Variants in MTUS1 observed in about 807,000 individuals in gnomAD.
MTUS1 encodes the protein microtubule associated scaffold protein 1, also known as microtubule-associated tumor suppressor 1.
MTUS1 carries 109 observed loss-of-function variants against 120.8 expected under a neutral mutation model. The observed-to-expected ratio is 0.90, with a 90% CI of 0.77 to 1.06. The LOEUF is 1.06. Among genes scored for constraint, MTUS1 ranks in the 50% least tolerant of loss-of-function variants. MTUS1 has a pLI of 0.00. For synonymous variants in MTUS1, 737 were observed against 550.5 expected (o/e 1.34, Z -4.74); for missense variants, 2,210 against 1,486.3 (o/e 1.49, Z -8.01).
At chr8:17,692,425 C>A (rs1170920392) in intron 6 of MTUS1, among the ~76,000 whole-genome samples, 1 of 152,064 alleles carries the variant, frequency 6.6e-6, no homozygotes, top group African/African-American at 2.4e-5. Context: ...ATTCCTGACA[C>A]GGCAGAGCCA....
rs2130181457 is a variant in MTUS1 at position 17,653,339 on chromosome 8, TA to T, written c.3289-59del. 11 of 1,497,288 alleles carry T rather than the reference TA, an allele frequency of 7.3e-6. No homozygotes were observed. In the South Asian group the frequency reaches 1.2e-4, roughly 17 times the overall value. 92.8% of individuals were successfully genotyped at this position (1,497,288 alleles called of 1,614,324 possible). On this transcript the variant is annotated intron_variant, in intron 11 of 14. Coordinates refer to ENST00000693296, the MANE Select transcript of MTUS1 (RefSeq NM_001363059.2). ...ACAAGAAAACCCCAGAAACTCAGCATACGTACACAGAAACATTAAAACCAAA... is the reference window on the plus strand; with the variant it reads ...ACAAGAAAACCCCAGAAACTCAGCATCGTACACAGAAACATTAAAACCAAA...
In MTUS1 at chr8:17,644,337, T is replaced by C. The variant is rs1805397991; in HGVS notation, c.*1589A>G. The stretch of plus-strand genomic sequence containing the variant: ...AGTGTACATGTAAATGACCCAAATA[T>C]TCACCTCTAGCATCCTGAATCTCTT... On this transcript the variant is annotated 3_prime_UTR_variant, in exon 15 of 15. Transcript: ENST00000693296. 6.6e-6 allele frequency: 1 copy of C among 152,652 alleles called. No individual in the cohort carries two copies. Among genetic ancestry groups the C allele is most frequent in the Non-Finnish European group, 1.5e-5 (1 of 68,044 alleles). 9.5% of individuals were successfully genotyped at this position (152,652 alleles called of 1,614,324 possible).
At chr8:17,749,925 A>C (rs2048059198) in intron 2 of MTUS1, among the ~76,000 whole-genome samples, 2 of 151,682 alleles carry the variant, frequency 1.3e-5, no homozygotes, top group South Asian at 4.2e-4. Flanking sequence ...AAATCTCTTC[A>C]AATATATTAC....
At chr8:17,692,782 C>A (rs1036290698) in intron 6 of MTUS1, among the ~76,000 whole-genome samples, 1 of 152,126 alleles carries the variant, frequency 6.6e-6, no homozygotes, top group Admixed American at 6.5e-5. Context: ...GTACAAGAAT[C>A]TGTACAATAA....
At chr8:17,726,003 C>T (rs944706775) in intron 3 of MTUS1, among the ~76,000 whole-genome samples, 3 of 152,190 alleles carry the variant, frequency 2.0e-5, no homozygotes, top group African/African-American at 7.2e-5. Flanking sequence ...GGCCATGCCT[C>T]TACCCCTTCA....
chr8:17,756,671 A>ACCACCC (rs1554526123), intron 1 of MTUS1, among the ~76,000 whole-genome samples: 13 of 117,484 alleles, frequency 1.1e-4, no homozygotes, highest in African/African-American at 9.6e-5. Context: ...TCAAGCCCAA[A>ACCACCC]CCCCCACCCC....
chr8:17,778,087 G>A (rs181646016), intron 1 of MTUS1, among the ~76,000 whole-genome samples: 1 of 152,246 alleles, frequency 6.6e-6, no homozygotes, highest in East Asian at 1.9e-4. Context: ...ATTAAACTAG[G>A]AAGAAAAATC....
chr8:17,727,226 G>A (rs1331773447), intron 3 of MTUS1, among the ~76,000 whole-genome samples: 1 of 152,178 alleles, frequency 6.6e-6, no homozygotes, highest in Non-Finnish European at 1.5e-5. Context: ...TTCTTTGATA[G>A]AATAATCCTA....
intron 3 of MTUS1, among the ~76,000 whole-genome samples, chr8:17,728,364 C>G (rs2904728): frequency 3.3e-5 from 5 of 152,062 alleles, no homozygotes; most frequent in Admixed American, 3.3e-4. Context: ...CGTGGCCTCC[C>G]AAAGTGCTGG....
At chr8:17,723,920 A>G in intron 3 of MTUS1, 87 bp from the exon 4 acceptor site, 3 of 1,083,312 alleles carry the variant, frequency 2.8e-6, no homozygotes, top group East Asian at 2.4e-5. Context: ...AAACTTCTGC[A>G]CTAACAACAA....
Position 17,746,146 on chromosome 8 carries a change from T to C in MTUS1, c.2092-2347A>G, listed in dbSNP as rs539623518. Among the ~76,000 whole-genome samples the C allele has an allele frequency of 1.5e-3, 224 of 152,294 alleles. 1 individual carries two copies. Among genetic ancestry groups the C allele is most frequent in the African/African-American group, 5.1e-3 (214 of 41,564 alleles). On this transcript the variant is annotated intron_variant, in intron 2 of 14. Transcript: ENST00000693296. Reference sequence around the variant, plus strand: ...ATATAGCAATGTGAGAACAGACTGATACAGCTAGTCTTCATGAAGACCTAG... The same window carrying C: ...ATATAGCAATGTGAGAACAGACTGACACAGCTAGTCTTCATGAAGACCTAG...
chr8:17,738,199 C>T (rs1187038215), intron 3 of MTUS1, among the ~76,000 whole-genome samples: 4 of 152,188 alleles, frequency 2.6e-5, no homozygotes, highest in African/African-American at 9.7e-5. Context: ...TTCAGGAGGC[C>T]TTTCTTCACC....
chr8:17,724,752 G>T (rs1450184448), intron 3 of MTUS1, among the ~76,000 whole-genome samples: 1 of 152,156 alleles, frequency 6.6e-6, no homozygotes, highest in East Asian at 1.9e-4. Flanking sequence ...CTCTTGGAGA[G>T]TCTATTTTCT....
chr8:17,757,460 G>A (rs2048711548), intron 1 of MTUS1, among the ~76,000 whole-genome samples: 1 of 152,248 alleles, frequency 6.6e-6, no homozygotes, highest in African/African-American at 2.4e-5. Context: ...CTACTGAATT[G>A]TACACTTAAA....
chr8:17,669,222 T>G (rs1233901508), intron 8 of MTUS1, among the ~76,000 whole-genome samples: 2 of 152,286 alleles, frequency 1.3e-5, no homozygotes, highest in African/African-American at 2.4e-5. Context: ...CTTGAAAGAT[T>G]TGGGTGAAAT....
chr8:17,743,767 A>C lies in MTUS1; in HGVS notation c.2124T>G (p.Gly708=), dbSNP rs148830956. The C allele has an allele frequency of 3.8e-5, 62 of 1,613,896 alleles. No homozygotes were observed. Among genetic ancestry groups the C allele is most frequent in the Non-Finnish European group, 4.9e-5 (58 of 1,179,998 alleles). ...GSASKTTTTS[G]RNISKPDSCG... The stretch of plus-strand genomic sequence containing the variant: ...AGGAGTCAGGCTTGGATATATTCCT[A>C]CCTGAGGTGGTCGTTGTTTTTGAAG... The change falls in exon 3 of 15, where the codon GGT becomes GGG. Residue 708 remains glycine (G), a synonymous_variant. Transcript: ENST00000693296.
intron 12 of MTUS1, chr8:17,651,458 G>A (rs1262487548): frequency 2.6e-5 from 4 of 151,580 alleles, no homozygotes; most frequent in African/African-American, 7.3e-5. Context: ...TACCCCATAA[G>A]TACATGCAAA....
At chr8:17,780,221 G>A (rs989786153) in intron 1 of MTUS1, among the ~76,000 whole-genome samples, 3 of 151,838 alleles carry the variant, frequency 2.0e-5, no homozygotes, top group African/African-American at 4.8e-5. Context: ...TACCTCCCCC[G>A]TCCCCTTGCT....
intron 1 of MTUS1, among the ~76,000 whole-genome samples, chr8:17,768,222 G>T (rs1466675477): frequency 6.6e-6 from 1 of 152,152 alleles, no homozygotes; most frequent in Non-Finnish European, 1.5e-5. Context: ...TATAAACTAG[G>T]AGAGTTTTAT....
Sources: gnomAD v4.1 joint callset for allele counts (sites outside exome capture counted in the v4.1 genomes callset) on GRCh38, gnomAD v4.1.1 for gene constraint, MANE v1.5 for transcripts, NCBI Gene and HGNC (gene_info 2026-07-23, HGNC 2026-07-21) for gene names.